The following MTMR7 variants were observed in gnomAD, a reference collection of about 807,000 sequenced individuals.
MTMR7 encodes phosphatidylinositol-3-phosphate phosphatase MTMR7.
MTMR7 carries 76 observed loss-of-function variants against 81.2 expected under a neutral mutation model. The ratio of observed to expected loss-of-function variants is 0.94; its 90% CI spans 0.78 to 1.13. The LOEUF is 1.13. MTMR7 is among the 50% of genes most tolerant of loss of function. The pLI is 0.00. For missense variants in MTMR7, 1,044 were observed against 820.0 expected (o/e 1.27, Z -3.34); for synonymous variants, 372 against 289.8 (o/e 1.28, Z -2.88).
intron 7 of MTMR7, among the ~76,000 whole-genome samples, chr8:17,318,013 G>A (rs1159879385): frequency 2.0e-5 from 3 of 152,016 alleles, no homozygotes; most frequent in Admixed American, 6.6e-5. Context: ...ATTCCTTTGG[G>A]TCTGTGCAAG....
chr8:17,332,759 G>A (rs2150532390), intron 6 of MTMR7, among the ~76,000 whole-genome samples: 1 of 152,300 alleles, frequency 6.6e-6, no homozygotes, highest in Non-Finnish European at 1.5e-5. Context: ...CATGACAAGT[G>A]AAAAGAGTAA....
intron 3 of MTMR7, among the ~76,000 whole-genome samples, chr8:17,366,887 A>AAC (rs1820242682): frequency 6.2e-5 from 9 of 146,112 alleles, no homozygotes; most frequent in East Asian, 4.2e-4. Flanking sequence ...CTCCATCTCA[A>AAC]AAAAAAAAAA....
At chr8:17,392,462 G>T (rs1340472550) in intron 1 of MTMR7, among the ~76,000 whole-genome samples, 2 of 152,166 alleles carry the variant, frequency 1.3e-5, no homozygotes, top group African/African-American at 4.8e-5. Flanking sequence ...AGCTTTCATG[G>T]CAGCACAAAT....
chr8:17,403,433 T>G (rs904748022), intron 1 of MTMR7, among the ~76,000 whole-genome samples: 5 of 152,196 alleles, frequency 3.3e-5, no homozygotes, highest in African/African-American at 1.2e-4. Context: ...TCCAGCGGTC[T>G]ATGTCTCTGT....
At chr8:17,397,502 G>A (rs547012165) in intron 1 of MTMR7, among the ~76,000 whole-genome samples, 29 of 152,312 alleles carry the variant, frequency 1.9e-4, no homozygotes, top group African/African-American at 7.0e-4. Context: ...AAAGGAGAGG[G>A]AAGAGCAGGA....
In MTMR7 at chr8:17,299,863, C is replaced by G. The variant is rs1305909681; in HGVS notation, c.1982G>C (p.Ter661SerextTer35). 3 of 1,613,786 alleles carry G rather than the reference C, an allele frequency of 1.9e-6. No homozygotes were observed. In the East Asian group the frequency reaches 6.7e-5, roughly 36 times the overall value. Residue 661 changes from the stop codon to serine, a stop_lost, in exon 14 of 14, where the codon TGA becomes TCA. Coordinates refer to ENST00000180173, the MANE Select transcript of MTMR7 (RefSeq NM_004686.5). ...ACTTTGGAACTCCAAAGGGAAACTT[C>G]AGGCAGTGAGAAACACGGCTTCATC... ...DSDEAVFLTA[*>S]
At chr8:17,325,534 G>T (rs1253407305) in intron 7 of MTMR7, among the ~76,000 whole-genome samples, 1 of 152,128 alleles carries the variant, frequency 6.6e-6, no homozygotes, top group Non-Finnish European at 1.5e-5. Context: ...GGATCTGCTT[G>T]GCCCCCTTTC....
chr8:17,386,525 T>A (rs1311237083), intron 1 of MTMR7, among the ~76,000 whole-genome samples: 1 of 152,140 alleles, frequency 6.6e-6, no homozygotes, highest in Non-Finnish European at 1.5e-5. Flanking sequence ...GGATCATACG[T>A]CTACAAAGGT....
intron 3 of MTMR7, among the ~76,000 whole-genome samples, chr8:17,364,370 T>A (rs180803630): frequency 2.6e-5 from 4 of 152,330 alleles, no homozygotes. Context: ...CAATGTGGAA[T>A]GATTAATTCA....
At chr8:17,312,818 T>A (rs749087350) in intron 8 of MTMR7, among the ~76,000 whole-genome samples, 20 of 152,132 alleles carry the variant, frequency 1.3e-4, no homozygotes, top group Non-Finnish European at 4.4e-5. Flanking sequence ...TAAAAAAAAC[T>A]GAACAACACA....
chr8:17,384,011 A>G (rs145560922), intron 1 of MTMR7, among the ~76,000 whole-genome samples: 2 of 152,292 alleles, frequency 1.3e-5, no homozygotes, highest in Admixed American at 6.5e-5. Flanking sequence ...CTAAAAAAAG[A>G]TGTTTCAAGT....
intron 1 of MTMR7, among the ~76,000 whole-genome samples, chr8:17,376,463 T>C (rs1261259070): frequency 6.6e-6 from 1 of 152,230 alleles, no homozygotes; most frequent in African/African-American, 2.4e-5. Flanking sequence ...AGGAGCAGAA[T>C]TGCTGGGTCA....
Position 17,302,244 on chromosome 8 carries a change from C to G in MTMR7, c.1530G>C (p.Gly510=), listed in dbSNP as rs1293994007. The part of the protein sequence containing the change: ...WSGMYNRFEK[G]MQPRQSVTDY... ...CTGTAACTGACTGTCGGGGCTGCATCCCCTTTTCAAAGCGGTTATACATTC... is the reference window on the plus strand; with the variant it reads ...CTGTAACTGACTGTCGGGGCTGCATGCCCTTTTCAAAGCGGTTATACATTC... The change falls in exon 13 of 14, where the codon GGG becomes GGC. Residue 510 remains glycine (G), a synonymous_variant. Coordinates refer to ENST00000180173, the MANE Select transcript of MTMR7 (RefSeq NM_004686.5). 1.2e-6 allele frequency: 2 copies of G among 1,613,930 alleles called. No homozygotes were observed. The highest frequency in any genetic ancestry group is 8.5e-7 in the Non-Finnish European group (1 of 1,179,974).
rs564175403 is a variant in MTMR7, at chr8:17,373,672, G to A, written c.25-432C>T. ...CTATGTGTTTCTAGCTTGTAGAAAT[G>A]GCCTTAAGGCTCTTTGCTTCCATAC... On this transcript the variant is annotated intron_variant, in intron 1 of 13. Transcript: ENST00000180173. 2.0e-5 allele frequency among the ~76,000 whole-genome samples: 3 copies of A among 152,270 alleles called. No homozygotes were observed. In the South Asian group the frequency reaches 6.2e-4, roughly 32 times the overall value.
intron 1 of MTMR7, among the ~76,000 whole-genome samples, chr8:17,378,845 G>A (rs1820671394): frequency 6.6e-6 from 1 of 152,130 alleles, no homozygotes; most frequent in Non-Finnish European, 1.5e-5. Flanking sequence ...CTGCCTCTTA[G>A]CATCACTGAT....
chr8:17,358,200 G>A (rs1442966409), intron 4 of MTMR7, among the ~76,000 whole-genome samples: 1 of 151,904 alleles, frequency 6.6e-6, no homozygotes, highest in Non-Finnish European at 1.5e-5. Flanking sequence ...TACATAAGAA[G>A]GTTAAAAAGA....
At chr8:17,386,010 C>T (rs952045037) in intron 1 of MTMR7, among the ~76,000 whole-genome samples, 1 of 152,114 alleles carries the variant, frequency 6.6e-6, no homozygotes. Context: ...CAATTTAAGC[C>T]CTTTTAATTT....
At chr8:17,308,002 C>T (rs1273156445) in intron 10 of MTMR7, among the ~76,000 whole-genome samples, 4 of 151,306 alleles carry the variant, frequency 2.6e-5, no homozygotes, top group African/African-American at 7.3e-5. Context: ...CAAACCTGCA[C>T]GTTGTGCACA....
chr8:17,408,165 C>T (rs1282513471), intron 1 of MTMR7, among the ~76,000 whole-genome samples: 1 of 59,842 alleles, frequency 1.7e-5, no homozygotes, highest in African/African-American at 3.3e-5. Flanking sequence ...CCGAGGCGGG[C>T]GGACCACGAG....
Sources: gnomAD v4.1 joint callset for allele counts (sites outside exome capture counted in the v4.1 genomes callset) on GRCh38, gnomAD v4.1.1 for gene constraint, MANE v1.5 for transcripts, NCBI Gene and HGNC (gene_info 2026-07-23, HGNC 2026-07-21) for gene names.